The following ERAL1 variants were observed in gnomAD, a reference collection of about 807,000 sequenced individuals.
ERAL1 encodes the protein Era like 12S mitochondrial rRNA chaperone 1.
Under a neutral mutation model 53.6 loss-of-function variants are expected in ERAL1, and 36 were observed. The ratio of observed to expected loss-of-function variants is 0.67; its 90% CI spans 0.51 to 0.89. The LOEUF (loss-of-function observed/expected upper bound fraction) is 0.89. Among genes scored for constraint, ERAL1 ranks in the 40% least tolerant of loss-of-function variants. The probability of loss-of-function intolerance (pLI) is 0.00; values close to 1 mark genes in which losing one functional copy is unlikely to be tolerated. For missense variants in ERAL1, 512 were observed against 537.5 expected (o/e 0.95, Z 0.47); for synonymous variants, 215 against 211.8 (o/e 1.02, Z -0.13).
In ERAL1 at chr17:28,859,005, C is replaced by T. The variant is rs1325390818; in HGVS notation, c.1002C>T (p.Tyr334=). ...LTQAQPGPWE[Y]HSAVLTSQTP... ...AGGCCCAGCCAGGGCCCTGGGAGTA[C>T]CACAGTGCAGTCCTCACTAGCCAGA... Residue 334 remains tyrosine (Y), a synonymous_variant, in exon 8 of 10, where the codon TAC becomes TAT. Coordinates refer to ENST00000254928, the MANE Select transcript of ERAL1 (RefSeq NM_005702.4). The T allele has an allele frequency of 6.2e-7, 1 of 1,614,180 alleles. No individual in the cohort carries two copies. The highest frequency in any genetic ancestry group is 8.5e-7 in the Non-Finnish European group (1 of 1,180,024).
In ERAL1 at chr17:28,859,102, A is replaced by G. The variant is rs751643918; in HGVS notation, c.1099A>G (p.Asn367Asp). The change falls in exon 8 of 10, where the codon AAT becomes GAT. Residue 367 changes from asparagine to aspartate, a missense_variant. By Grantham distance (23) the Asn-to-Asp change is conservative. Coordinates refer to ENST00000254928, the MANE Select transcript of ERAL1 (RefSeq NM_005702.4). ...ACACCTGCCCCAGGAGGTGCCTTAC[A>G]ATGTACAGCAGGTACAGAGTGAAGG... ...LEHLPQEVPY[N>D]VQQKTAVWEE... 7 of 1,614,046 alleles carry G rather than the reference A, an allele frequency of 4.3e-6. No individual in the cohort carries two copies. In the African/African-American group the frequency reaches 9.3e-5, roughly 22 times the overall value.
At chr17:28,860,299 G>T in intron 9 of ERAL1, 132 bp from the exon 10 acceptor site, 1 of 1,000,480 alleles carries the variant, frequency 1.0e-6, no homozygotes, top group Non-Finnish European at 1.4e-6. Flanking sequence ...TTTTAAAGAG[G>T]GGTCGCACTG....
At chr17:28,857,109 C>CTT (rs1250044923) in intron 3 of ERAL1, among the ~76,000 whole-genome samples, 4 of 139,026 alleles carry the variant, frequency 2.9e-5, no homozygotes, top group Non-Finnish European at 4.7e-5. Context: ...CTCTCGCTCT[C>CTT]TTTTTTTTTT....
In ERAL1 at chr17:28,856,485, G is replaced by A. The variant is rs771426346; in HGVS notation, c.412-20G>A. 6.2e-7 allele frequency: 1 copy of A among 1,613,666 alleles called. No homozygotes were observed. Among genetic ancestry groups the A allele is most frequent in the Admixed American group, 1.7e-5 (1 of 59,958 alleles). On this transcript the variant is annotated intron_variant, in intron 2 of 9. Transcript: ENST00000254928. The stretch of plus-strand genomic sequence containing the variant: ...TTGGAGGGATCTGGGACCTCACTGA[G>A]ACTCCTTTGTTCCTGGCAGGTGTTC...
chr17:28,859,441 T>C (rs2039280520), intron 9 of ERAL1, among the ~76,000 whole-genome samples, 158 bp downstream of exon 9: 1 of 152,066 alleles, frequency 6.6e-6, no homozygotes, highest in Non-Finnish European at 1.5e-5. Context: ...CAGGCTGGAG[T>C]GCAGTGGTGT....
rs770296504 is a variant in ERAL1 at position 28,856,622 on chromosome 17, G to A, written c.489+40G>A. The A allele has an allele frequency of 1.1e-5, 17 of 1,585,202 alleles. No individual in the cohort carries two copies. The South Asian group carries it at 1.7e-4, about 15-fold the overall frequency. On this transcript the variant is annotated intron_variant, in intron 3 of 9. Transcript: ENST00000254928. ...AGGGAGTCCTTGAAACAGGACAGAG[G>A]GTGAAGCTAAGAGGGTCTCCCTTAC...
rs1455616100 is a variant in ERAL1 at position 28,858,765 on chromosome 17, C to T, written c.901C>T (p.His301Tyr). 2 of 1,614,208 alleles carry T rather than the reference C, an allele frequency of 1.2e-6. No individual in the cohort carries two copies. The highest frequency in any genetic ancestry group is 1.7e-6 in the Non-Finnish European group (2 of 1,180,034). The change falls in exon 7 of 10, where the codon CAC becomes TAC. Residue 301 changes from histidine (H) to tyrosine (Y), a missense_variant. By Grantham distance (83) the His-to-Tyr change is moderately conservative (BLOSUM62 2). Transcript: ENST00000254928. Reference protein sequence around the residue: ...VGNPQRIGWPHFKEIFMLSAL... With the variant: ...VGNPQRIGWPYFKEIFMLSAL... The stretch of plus-strand genomic sequence containing the variant: ...AAATCCTCAGAGGATTGGCTGGCCC[C>T]ACTTCAAGGAGATCTTCATGTTGTC...
At position 28,860,589 on chromosome 17, in the gene ERAL1, C is replaced by T; in HGVS notation, c.*36C>T. 1 of 1,559,866 alleles carries T rather than the reference C, an allele frequency of 6.4e-7. No individual in the cohort carries two copies. The highest frequency in any genetic ancestry group is 8.6e-7 in the Non-Finnish European group (1 of 1,157,630). On this transcript the variant is annotated 3_prime_UTR_variant, in exon 10 of 10. Coordinates refer to ENST00000254928, the MANE Select transcript of ERAL1 (RefSeq NM_005702.4). ...CTGACCCTCCCAGGGCATTCCAGCT[C>T]AAGCTGCTGGCAGGAACTGACCAGT...
chr17:28,855,630 C>T (rs563568904), intron 1 of ERAL1, among the ~76,000 whole-genome samples: 15 of 152,258 alleles, frequency 9.9e-5, no homozygotes, highest in African/African-American at 2.9e-4. Context: ...TGTTAAGACA[C>T]AGTTACACCT....
chr17:28,859,275 T>C lies in ERAL1; in HGVS notation c.1183T>C (p.Ser395Pro), dbSNP rs775145069. 1 of 1,614,088 alleles carries C rather than the reference T, an allele frequency of 6.2e-7. No individual in the cohort carries two copies. The highest frequency in any genetic ancestry group is 1.1e-5 in the South Asian group (1 of 91,074). The change falls in exon 9 of 10, where the codon TCT becomes CCT. Residue 395 changes from serine to proline, a missense_variant. By Grantham distance (74) the Ser-to-Pro change is moderately conservative (BLOSUM62 -1). Transcript: ENST00000254928. ...IQQKLLVPKE[S>P]YVKLLIGPKG... The stretch of plus-strand genomic sequence containing the variant: ...ACAGAAGCTTCTGGTGCCCAAAGAA[T>C]CTTATGTGGTAAGTGAGACTAGGCT...
rs769957272 is a variant in ERAL1 at position 28,858,495 on chromosome 17, T to C, written c.711+9T>C. ...TCCTGGTCATGAACAAGGTGAGCAC[T>C]ACCCACCTGAGGAAGGGGTCTACTT... On this transcript the variant is annotated intron_variant, in intron 6 of 9. Transcript: ENST00000254928. The C allele has an allele frequency of 1.1e-5, 17 of 1,613,994 alleles. No homozygotes were observed. The highest frequency in any genetic ancestry group is 1.7e-5 in the Admixed American group (1 of 59,972).
intron 9 of ERAL1, among the ~76,000 whole-genome samples, chr17:28,859,909 C>T (rs2039287345): frequency 1.3e-5 from 2 of 152,098 alleles, no homozygotes; most frequent in South Asian, 4.1e-4. Context: ...AGTCCATGCA[C>T]CTTGGCCTCC....
chr17:28,858,798 A>G lies in ERAL1; in HGVS notation c.934A>G (p.Ser312Gly). The G allele has an allele frequency of 6.2e-7, 1 of 1,614,196 alleles. No individual in the cohort carries two copies. Among genetic ancestry groups the G allele is most frequent in the Non-Finnish European group, 8.5e-7 (1 of 1,180,004 alleles). ...FKEIFMLSAL[S>G]QEDVKTLKQY... is the part of the protein sequence containing the mutation. ...GGAGATCTTCATGTTGTCAGCCCTA[A>G]GCCAGGAGGACGTGAAAACACTAAA... Residue 312 changes from serine to glycine, a missense_variant, in exon 7 of 10, where the codon AGC becomes GGC. Ser to Gly is a moderately conservative substitution (Grantham distance 56). Transcript: ENST00000254928.
rs1396920303 is a variant in ERAL1, at chr17:28,855,059, G to GC, written c.26dup (p.Arg10Ter). ...AATGGCTGCCCCCAGCTGGCGCGGG[G>GC]CTAGGCTTGTTCAATCGGTGTTAAG... is the stretch of plus-strand genomic sequence containing the variant. On this transcript the variant is annotated frameshift_variant, in exon 1 of 10. Coordinates refer to ENST00000254928, the MANE Select transcript of ERAL1 (RefSeq NM_005702.4). LOFTEE classifies it high-confidence loss of function. The GC allele has an allele frequency of 6.2e-7, 1 of 1,608,520 alleles. No homozygotes were observed. Among genetic ancestry groups the GC allele is most frequent in the Admixed American group, 1.7e-5 (1 of 59,564 alleles).
rs148852381 is a variant in ERAL1, at chr17:28,855,185, G to A, written c.151G>A (p.Ala51Thr). The A allele has an allele frequency of 2.4e-4, 387 of 1,614,214 alleles. 1 individual carries two copies. The African/African-American group carries it at 4.4e-3, about 19-fold the overall frequency. Residue 51 changes from alanine (A) to threonine (T), a missense_variant, in exon 1 of 10, where the codon GCT (alanine) becomes ACT (threonine). Coordinates refer to ENST00000254928, the MANE Select transcript of ERAL1 (RefSeq NM_005702.4). Reference protein sequence around the residue: ...RRCVSCVAGSAFSGPRLASAS... With the variant: ...RRCVSCVAGSTFSGPRLASAS... The stretch of plus-strand genomic sequence containing the variant: ...GTGCGTGTCCTGCGTCGCGGGGTCC[G>A]CTTTCTCTGGTCCCCGCTTGGCCTC...
intron 7 of ERAL1, 50 bp downstream of exon 7, chr17:28,858,874 A>G: frequency 1.2e-6 from 2 of 1,612,586 alleles, no homozygotes; most frequent in Non-Finnish European, 1.7e-6. Flanking sequence ...CCATATGAAG[A>G]CAGCCCTCAA....
Position 28,858,735 on chromosome 17 carries a change from G to A in ERAL1, c.871G>A (p.Val291Met). 5.0e-6 allele frequency: 8 copies of A among 1,614,176 alleles called. No individual in the cohort carries two copies. The highest frequency in any genetic ancestry group is 6.8e-6 in the Non-Finnish European group (8 of 1,179,998). ...PAVKDPNTQS[V>M]GNPQRIGWPH... The stretch of plus-strand genomic sequence containing the variant: ...AGTTAAGGACCCAAACACACAATCT[G>A]TGGGAAATCCTCAGAGGATTGGCTG... Residue 291 changes from valine (V) to methionine (M), a missense_variant, in exon 7 of 10, where the codon GTG becomes ATG. Transcript: ENST00000254928.
At chr17:28,855,422 C>A in intron 1 of ERAL1, 105 bp downstream of exon 1, 2 of 1,303,262 alleles carry the variant, frequency 1.5e-6, no homozygotes, top group South Asian at 3.3e-5. Flanking sequence ...AATTTTGAGG[C>A]CCTGACAGGG....
chr17:28,857,456 A>G lies in ERAL1; in HGVS notation c.490-483A>G, dbSNP rs539586940. On this transcript the variant is annotated intron_variant, in intron 3 of 9. Coordinates refer to ENST00000254928, the MANE Select transcript of ERAL1 (RefSeq NM_005702.4). The stretch of plus-strand genomic sequence containing the variant: ...CCTAATCTTCCTTATATTCACAGTC[A>G]TCATCTTTCTCCCAGATCCCATCAA... Among the ~76,000 whole-genome samples, 208 of 151,974 alleles carry G rather than the reference A, an allele frequency of 1.4e-3. 1 individual carries two copies. The highest frequency in any genetic ancestry group is 3.6e-3 in the Admixed American group (55 of 15,232).
Sources: allele counts gnomAD v4.1 joint callset (sites outside exome capture counted in the v4.1 genomes callset), GRCh38; gene constraint gnomAD v4.1.1; transcripts MANE v1.5; gene names NCBI Gene and HGNC (gene_info 2026-07-23, HGNC 2026-07-21).